The following PWWP3B variants were observed in gnomAD, a reference collection of about 807,000 sequenced individuals.
The protein encoded by PWWP3B is PWWP domain containing 3B.
In PWWP3B, 5 loss-of-function variants were observed where a neutral mutation model predicts 15.7. The ratio of observed to expected loss-of-function variants is 0.32; its 90% CI spans 0.17 to 0.67. PWWP3B has a LOEUF of 0.67. Ranked by LOEUF, PWWP3B falls within the 30% of genes least tolerant of loss-of-function variation. PWWP3B has a pLI of 0.74. For missense variants in PWWP3B, 519 were observed against 493.1 expected (o/e 1.05, Z -0.50); for synonymous variants, 203 against 179.8 (o/e 1.13, Z -1.03).
Position 106,186,670 on chromosome X carries a change from G to A in PWWP3B, c.-401+15531G>A, listed in dbSNP as rs139127629. Among the ~76,000 whole-genome samples the A allele has an allele frequency of 3.7e-3, 411 of 110,483 alleles. 5 individuals are homozygous for A. The highest frequency in any genetic ancestry group is 0.013 in the African/African-American group (380 of 30,304). ...GTGTTACAGCTCTTAAAGGTGGCAC[G>A]GACCCAAAGAGTCAGCAGAAGCAAG... On this transcript the variant is annotated intron_variant, in intron 2 of 3. Coordinates refer to ENST00000357175, the MANE Select transcript of PWWP3B (RefSeq NM_001171020.2).
intron 2 of PWWP3B, among the ~76,000 whole-genome samples, chrX:106,203,376 A>G (rs1457605043): frequency 8.9e-6 from 1 of 111,780 alleles, no homozygotes; most frequent in Non-Finnish European, 1.9e-5. Flanking sequence ...AGAAAATTCT[A>G]GAAGCCTGAG....
chrX:106,202,319 G>A (rs924499150), intron 2 of PWWP3B, among the ~76,000 whole-genome samples: 4 of 111,765 alleles, frequency 3.6e-5, no homozygotes, highest in Non-Finnish European at 7.5e-5. Flanking sequence ...GCATTTCTAT[G>A]TGGCCAGGTC....
chrX:106,184,321 A>G (rs1569359927), intron 2 of PWWP3B, among the ~76,000 whole-genome samples: 1 of 110,919 alleles, frequency 9.0e-6, no homozygotes, highest in Admixed American at 9.6e-5. Context: ...AGGGGAGTAT[A>G]TTTTCTTAAG....
intron 2 of PWWP3B, among the ~76,000 whole-genome samples, chrX:106,194,579 G>T (rs983606342): frequency 3.6e-5 from 4 of 112,121 alleles, no homozygotes; most frequent in Admixed American, 9.5e-5. Flanking sequence ...TTCCATTGCT[G>T]TTGAGGAGCT....
At chrX:106,174,582 A>G (rs183375601) in intron 2 of PWWP3B, among the ~76,000 whole-genome samples, 198 of 112,147 alleles carry the variant, frequency 1.8e-3, no homozygotes, top group African/African-American at 6.2e-3. Flanking sequence ...ATTGTTAATG[A>G]GGGTAGAATG....
rs762402191 is a variant in PWWP3B at position 106,196,783 on chromosome X, G to A, written c.-400-7202G>A. ...TTGTTATTTTCTAGTTTGGGTATCA[G>A]GTTAATGCTGGTATTATAAAATATG... On this transcript the variant is annotated intron_variant, in intron 2 of 3. Coordinates refer to ENST00000357175, the MANE Select transcript of PWWP3B (RefSeq NM_001171020.2). Among the ~76,000 whole-genome samples the A allele has an allele frequency of 5.4e-5, 6 of 112,110 alleles. No homozygotes were observed. In the East Asian group the frequency reaches 1.4e-3, roughly 26 times the overall value.
chrX:106,184,518 G>A (rs1021535889), intron 2 of PWWP3B, among the ~76,000 whole-genome samples: 5 of 111,387 alleles, frequency 4.5e-5, no homozygotes, highest in African/African-American at 1.3e-4. Context: ...ATCCATTACC[G>A]GGGATGGCTT....
intron 2 of PWWP3B, among the ~76,000 whole-genome samples, chrX:106,174,996 G>A (rs1276357570): frequency 9.7e-6 from 1 of 102,619 alleles, no homozygotes; most frequent in African/African-American, 3.6e-5. Flanking sequence ...AGCTGAGATC[G>A]TGCCACTGCA....
chrX:106,193,007 A>G (rs1394241436), intron 2 of PWWP3B, among the ~76,000 whole-genome samples: 1 of 111,495 alleles, frequency 9.0e-6, no homozygotes, highest in Non-Finnish European at 1.9e-5. Context: ...GCTGAATAGA[A>G]TGTATATTTT....
At chrX:106,188,013 C>T (rs1384577861) in intron 2 of PWWP3B, among the ~76,000 whole-genome samples, 1 of 111,581 alleles carries the variant, frequency 9.0e-6, no homozygotes, top group Non-Finnish European at 1.9e-5. Context: ...CCATTTCCTT[C>T]CTTCCTTCCC....
At chrX:106,189,696 C>T (rs1171556006) in intron 2 of PWWP3B, among the ~76,000 whole-genome samples, 11 of 104,845 alleles carry the variant, frequency 1.0e-4, no homozygotes, top group Non-Finnish European at 1.9e-4. Context: ...CGGCTCACTG[C>T]AAGCTCTGCC....
rs1339941324 is a variant in PWWP3B, at chrX:106,171,293, T to C, written c.-401+154T>C. On this transcript the variant is annotated intron_variant, in intron 2 of 3. Coordinates refer to ENST00000357175, the MANE Select transcript of PWWP3B (RefSeq NM_001171020.2). ...GTAAGGATTATGTTAGGTTGAGAAT[T>C]TGGGGTGTACTTCATTTTGTTTCCT... Among the ~76,000 whole-genome samples, 3 of 112,176 alleles carry C rather than the reference T, an allele frequency of 2.7e-5. No individual in the cohort carries two copies. In the Admixed American group the frequency reaches 2.8e-4, roughly 11 times the overall value.
In PWWP3B at chrX:106,206,485, A is replaced by C; in HGVS notation, c.1053A>C (p.Glu351Asp). 8.3e-7 allele frequency: 1 copy of C among 1,208,816 alleles called. No homozygotes were observed. Among genetic ancestry groups the C allele is most frequent in the Non-Finnish European group, 1.1e-6 (1 of 893,989 alleles). Residue 351 changes from glutamate to aspartate, a missense_variant, in exon 4 of 4, where the codon GAA becomes GAC. Glu to Asp is a conservative substitution (Grantham distance 45). Transcript: ENST00000357175. ...TGGATTTTGAAGAACTTGAGGAAGA[A>C]GGTCAAGCCTCTGACAAGTCATTGC... ...QRLDFEELEE[E>D]GQASDKSLLP...
chrX:106,199,217 T>G (rs1010900309), intron 2 of PWWP3B, among the ~76,000 whole-genome samples: 11 of 109,864 alleles, frequency 1.0e-4, no homozygotes, highest in Admixed American at 7.7e-4. Context: ...CCTGGCTAAT[T>G]TTTTCTTTTT....
chrX:106,196,009 C>T (rs1033545212), intron 2 of PWWP3B, among the ~76,000 whole-genome samples: 3 of 112,018 alleles, frequency 2.7e-5, no homozygotes, highest in Non-Finnish European at 3.8e-5. Context: ...AAATCTTGTA[C>T]ATAGTTATCC....
rs1924170567 is a variant in PWWP3B at position 106,208,424 on chromosome X, G to A, written c.*901G>A. The A allele has an allele frequency of 8.1e-6, 1 of 123,973 alleles. No individual in the cohort carries two copies. Among genetic ancestry groups the A allele is most frequent in the Non-Finnish European group, 1.9e-5 (1 of 53,455 alleles). 10.2% of individuals were successfully genotyped at this position (123,973 alleles called of 1,213,427 possible). The stretch of plus-strand genomic sequence containing the variant: ...ATATGAATCCAGGCTGACTGCTTAA[G>A]TGCCCATCTCGTTTGATATAAACTG... On this transcript the variant is annotated 3_prime_UTR_variant, in exon 4 of 4. Transcript: ENST00000357175.
chrX:106,193,711 A>T (rs1923162939), intron 2 of PWWP3B, among the ~76,000 whole-genome samples: 2 of 111,809 alleles, frequency 1.8e-5, no homozygotes, highest in South Asian at 3.7e-4. Context: ...TGCTTCCTTT[A>T]GGAGCTCTTT....
rs1250476845 is a variant in PWWP3B, at chrX:106,205,591, A to G, written c.159A>G (p.Thr53=). ...SLDEKIKLDS[T]ETKILNKSQI... ...ATGAAAAAATTAAATTGGACAGCAC[A>G]GAAACAAAGATCCTAAATAAATCTC... Residue 53 remains threonine, a synonymous_variant, in exon 4 of 4, where the codon ACA becomes ACG. Transcript: ENST00000357175. The G allele has an allele frequency of 8.3e-7, 1 of 1,209,210 alleles. No homozygotes were observed.
intron 2 of PWWP3B, among the ~76,000 whole-genome samples, chrX:106,182,744 G>T (rs1244982128): frequency 9.1e-6 from 1 of 110,418 alleles, no homozygotes; most frequent in Non-Finnish European, 1.9e-5. Flanking sequence ...GGGGGGTCTG[G>T]GGTGAATGGT....
Sources: gnomAD v4.1 joint callset for allele counts (sites outside exome capture counted in the v4.1 genomes callset) on GRCh38, gnomAD v4.1.1 for gene constraint, MANE v1.5 for transcripts, NCBI Gene and HGNC (gene_info 2026-07-23, HGNC 2026-07-21) for gene names.